CCDC91: variants seen among roughly 807,000 people sequenced by gnomAD.
CCDC91 encodes the protein coiled-coil domain-containing protein 91.
Under a neutral mutation model 63.2 loss-of-function variants are expected in CCDC91, and 48 were observed. That is an observed-to-expected ratio of 0.76 (90% CI 0.60 to 0.97). The LOEUF (loss-of-function observed/expected upper bound fraction) is 0.97. Among genes scored for constraint, CCDC91 ranks in the 50% least tolerant of loss-of-function variants. The pLI, the probability that CCDC91 is intolerant of heterozygous loss-of-function variation, is 0.00. For missense variants in CCDC91, 500 were observed against 494.6 expected, an observed-to-expected ratio of 1.01 and a Z score of -0.10; for synonymous variants, 167 against 165.8, an observed-to-expected ratio of 1.01 and a Z score of -0.06.
chr12:28,309,189 G>T (rs1456367723), intron 6 of CCDC91, among the ~76,000 whole-genome samples: 1 of 151,968 alleles, frequency 6.6e-6, no homozygotes, highest in Non-Finnish European at 1.5e-5. Context: ...AACGCAGGCA[G>T]TGTGTCTTTT....
At chr12:28,250,292 G>C (rs953694940) in intron 1 of CCDC91, among the ~76,000 whole-genome samples, 1 of 152,100 alleles carries the variant, frequency 6.6e-6, no homozygotes, top group Non-Finnish European at 1.5e-5. Context: ...GTTATTAGTA[G>C]TTGGGATGTT....
intron 6 of CCDC91, among the ~76,000 whole-genome samples, chr12:28,343,020 C>G (rs1158822417): frequency 6.6e-6 from 1 of 151,746 alleles, no homozygotes; most frequent in Non-Finnish European, 1.5e-5. Flanking sequence ...AAACTTAAGG[C>G]ATTGAAGAGT....
At chr12:28,301,492 TTATAAGTGA>T (rs2136999684) in intron 3 of CCDC91, among the ~76,000 whole-genome samples, 1 of 151,736 alleles carries the variant, frequency 6.6e-6, no homozygotes, top group Admixed American at 6.6e-5. Context: ...TTATACTTCA[TTATAAGTGA>T]TACTCTAATC....
intron 12 of CCDC91, among the ~76,000 whole-genome samples, chr12:28,530,802 A>G (rs530854007): frequency 5.3e-5 from 8 of 152,230 alleles, no homozygotes; most frequent in African/African-American, 1.7e-4. Context: ...TGACCACTGA[A>G]AGGAGTCTCC....
At chr12:28,535,934 C>T (rs1942128454) in intron 12 of CCDC91, among the ~76,000 whole-genome samples, 1 of 151,200 alleles carries the variant, frequency 6.6e-6, no homozygotes, top group African/African-American at 2.4e-5. Flanking sequence ...GAGACTGAGG[C>T]AGGAGAATGG....
chr12:28,460,283 C>T (rs1461087570), intron 11 of CCDC91, among the ~76,000 whole-genome samples: 1 of 152,104 alleles, frequency 6.6e-6, no homozygotes, highest in Non-Finnish European at 1.5e-5. Flanking sequence ...ATGGAGCCCA[C>T]TCTGAAGTTC....
At chr12:28,526,466 A>G (rs1440780447) in intron 12 of CCDC91, among the ~76,000 whole-genome samples, 1 of 152,158 alleles carries the variant, frequency 6.6e-6, no homozygotes, top group Non-Finnish European at 1.5e-5. Context: ...TTCTGCTGAG[A>G]AATCTATTGT....
rs201400994 is a variant in CCDC91 at position 28,452,655 on chromosome 12, G to A, written c.1101+1G>A. 1.1e-5 allele frequency: 16 copies of A among 1,452,464 alleles called. No individual in the cohort carries two copies. In the East Asian group the frequency reaches 1.7e-4, roughly 15 times the overall value. The allele number at this position is 1,452,464 out of a possible 1,614,324, so 90.0% of individuals were successfully genotyped here. The stretch of plus-strand genomic sequence containing the variant: ...ACAAGAACAAAGAAAAATAAGTCAG[G>A]TTAGTAATATTAACTGTTAGTAAAT... On this transcript the variant is annotated splice_donor_variant, in intron 11 of 12. Coordinates refer to ENST00000536442, the MANE Select transcript of CCDC91 (RefSeq NM_018318.5). LOFTEE classifies it high-confidence loss of function.
At chr12:28,274,921 C>G (rs140681819) in intron 3 of CCDC91, among the ~76,000 whole-genome samples, 2 of 151,774 alleles carry the variant, frequency 1.3e-5, no homozygotes, top group African/African-American at 4.8e-5. Flanking sequence ...TTGAAACCAA[C>G]GAGAACAAAG....
chr12:28,448,408 G>C (rs1235252970), intron 8 of CCDC91, among the ~76,000 whole-genome samples: 1 of 152,106 alleles, frequency 6.6e-6, no homozygotes, highest in African/African-American at 2.4e-5. Context: ...ATTTTATGTA[G>C]GATGCTTCTT....
intron 8 of CCDC91, among the ~76,000 whole-genome samples, chr12:28,435,946 G>A (rs939470840): frequency 2.0e-5 from 3 of 151,618 alleles, no homozygotes; most frequent in Non-Finnish European, 4.4e-5. Flanking sequence ...TGTTAACATA[G>A]TATATCTTTC....
At chr12:28,484,666 GA>G (rs1428887655) in intron 12 of CCDC91, among the ~76,000 whole-genome samples, 1 of 151,686 alleles carries the variant, frequency 6.6e-6, no homozygotes, top group South Asian at 2.1e-4. Flanking sequence ...TTAAAGCTTT[GA>G]AAAAAATAGC....
rs561977470 is a variant in CCDC91, at chr12:28,484,456, T to C, written c.1215+291T>C. 8.5e-5 allele frequency among the ~76,000 whole-genome samples: 13 copies of C among 152,282 alleles called. No homozygotes were observed. In the South Asian group the frequency reaches 2.7e-3, roughly 32 times the overall value. On this transcript the variant is annotated intron_variant, in intron 12 of 12. Transcript: ENST00000536442. ...TACAAAGATAATAGACAGTTCTACA[T>C]TTTTAGTCTTTTGCCATACATTTGT...
intron 12 of CCDC91, among the ~76,000 whole-genome samples, chr12:28,491,679 A>G (rs1163484829): frequency 6.6e-6 from 1 of 151,796 alleles, no homozygotes; most frequent in East Asian, 1.9e-4. Flanking sequence ...GAATAAGCAA[A>G]TTTATATATA....
intron 12 of CCDC91, among the ~76,000 whole-genome samples, chr12:28,545,447 C>T (rs186219063): frequency 1.3e-5 from 2 of 152,166 alleles, no homozygotes; most frequent in South Asian, 2.1e-4. Flanking sequence ...TGTGTTCCAT[C>T]CCACAGCCAT....
At chr12:28,242,506 A>G (rs1474033114) in intron 1 of CCDC91, among the ~76,000 whole-genome samples, 2 of 152,134 alleles carry the variant, frequency 1.3e-5, no homozygotes, top group African/African-American at 4.8e-5. Flanking sequence ...AAAAGAGGGC[A>G]GCATGTTTCT....
intron 3 of CCDC91, among the ~76,000 whole-genome samples, chr12:28,268,314 C>T (rs1335310076): frequency 4.6e-5 from 7 of 151,892 alleles, no homozygotes; most frequent in African/African-American, 1.7e-4. Context: ...CTGCCCACCT[C>T]GGCTTCCCAA....
intron 8 of CCDC91, among the ~76,000 whole-genome samples, chr12:28,427,220 A>C (rs1948368036): frequency 6.6e-6 from 1 of 151,928 alleles, no homozygotes; most frequent in East Asian, 1.9e-4. Context: ...CCCAACCCCC[A>C]CCTCCTTTAT....
At chr12:28,329,307 T>C (rs1941290883) in intron 6 of CCDC91, among the ~76,000 whole-genome samples, 2 of 152,180 alleles carry the variant, frequency 1.3e-5, no homozygotes, top group South Asian at 4.1e-4. Context: ...TTAGAGAGCT[T>C]GTTTATAATA....
Sources: allele counts gnomAD v4.1 joint callset (sites outside exome capture counted in the v4.1 genomes callset), GRCh38; gene constraint gnomAD v4.1.1; transcripts MANE v1.5; gene names NCBI Gene and HGNC (gene_info 2026-07-23, HGNC 2026-07-21).